The following TSEN2 variants were observed in gnomAD, a reference collection of about 807,000 sequenced individuals.
The protein encoded by TSEN2 is tRNA splicing endonuclease subunit 2, also known as tRNA-splicing endonuclease subunit Sen2.
Under a neutral mutation model 59.2 loss-of-function variants are expected in TSEN2, and 54 were observed. That is an observed-to-expected ratio of 0.91 (90% confidence interval 0.73 to 1.14). The LOEUF is 1.14. Ranked by LOEUF, TSEN2 falls within the 50% of genes most tolerant of loss-of-function variation. The pLI is 0.00. For synonymous variants in TSEN2, 195 were observed against 198.2 expected (o/e 0.98, Z 0.14); for missense variants, 636 against 576.2 (o/e 1.10, Z -1.06).
chr3:12,538,654 C>T (rs1202599689), downstream of TSEN2: 3 of 155,726 alleles, frequency 1.9e-5, no homozygotes, highest in Non-Finnish European at 4.3e-5. Context: ...AGTAGTACAT[C>T]ACATTTGGTC....
chr3:12,539,144 T>C (rs1009341194), intron 10 of TSEN2: 9 of 445,694 alleles, frequency 2.0e-5, no homozygotes, highest in South Asian at 3.2e-5. Flanking sequence ...TTTCTTTTTT[T>C]TTTTCTTGTG....
intron 3 of TSEN2, among the ~76,000 whole-genome samples, 184 bp from the exon 4 acceptor site, chr3:12,496,334 G>C (rs1310803777): frequency 6.6e-6 from 1 of 152,234 alleles, no homozygotes; most frequent in Admixed American, 6.5e-5. Flanking sequence ...GGCAGCACCT[G>C]CCAAGGGTAT....
chr3:12,515,966 G>T (rs1240843556), intron 6 of TSEN2, among the ~76,000 whole-genome samples: 1 of 151,838 alleles, frequency 6.6e-6, no homozygotes, highest in Non-Finnish European at 1.5e-5. Context: ...TATTGCTATA[G>T]CTGTTAACAT....
At chr3:12,524,172 A>G (rs981711636) in intron 8 of TSEN2, among the ~76,000 whole-genome samples, 1 of 151,942 alleles carries the variant, frequency 6.6e-6, no homozygotes, top group Non-Finnish European at 1.5e-5. Flanking sequence ...GGCTCAAGCC[A>G]TCCTACTGCC....
At chr3:12,523,450 A>G (rs755088056) in intron 8 of TSEN2, among the ~76,000 whole-genome samples, 14 of 151,050 alleles carry the variant, frequency 9.3e-5, no homozygotes, top group Non-Finnish European at 1.0e-4. Flanking sequence ...CTGTCCGTGA[A>G]TGGAGGTCAA....
chr3:12,535,921 G>C (rs538289056), downstream of TSEN2, among the ~76,000 whole-genome samples: 3 of 152,270 alleles, frequency 2.0e-5, no homozygotes, highest in African/African-American at 7.2e-5. Context: ...TGATCACTCC[G>C]AGCCTTGGTT....
chr3:12,523,526 C>CTTTTTTATTTTTTTTTTTTTTTTTTT (rs2056822754), intron 8 of TSEN2, among the ~76,000 whole-genome samples: 1 of 46,480 alleles, frequency 2.2e-5, no homozygotes, highest in African/African-American at 7.9e-5. Flanking sequence ...CTCTTTGATT[C>CTTTTTTATTTTTTTTTTTTTTTTTTT]TTTTTTTTTT....
intron 7 of TSEN2, among the ~76,000 whole-genome samples, chr3:12,517,337 G>A (rs1014635738): frequency 1.5e-4 from 16 of 103,694 alleles, no homozygotes; most frequent in African/African-American, 7.8e-4. Context: ...CAGCCTGGGC[G>A]ACAGACCGAG....
chr3:12,538,279 T>A (rs2057724725), downstream of TSEN2, among the ~76,000 whole-genome samples: 1 of 152,232 alleles, frequency 6.6e-6, no homozygotes, highest in Non-Finnish European at 1.5e-5. Flanking sequence ...CATTCGTGAA[T>A]CAAGCCGCAC....
chr3:12,531,265 C>A, intron 10 of TSEN2: 1 of 312,506 alleles, frequency 3.2e-6, no homozygotes, highest in Non-Finnish European at 6.1e-6. Context: ...CACTTAAAGT[C>A]CGTGTCCAAG....
chr3:12,501,405 A>G (rs2054272053), intron 4 of TSEN2, among the ~76,000 whole-genome samples: 1 of 152,212 alleles, frequency 6.6e-6, no homozygotes. Flanking sequence ...TAGCCTTACC[A>G]GGTGTTAATC....
In TSEN2 at chr3:12,489,975, C is replaced by T. The variant is rs1182622081; in HGVS notation, c.175C>T (p.Gln59Ter). 1 of 1,614,004 alleles carries T rather than the reference C, an allele frequency of 6.2e-7. No individual in the cohort carries two copies. Among genetic ancestry groups the T allele is most frequent in the African/African-American group, 1.3e-5 (1 of 74,924 alleles). The change falls in exon 2 of 12, where the codon CAG becomes TAG. Residue 59 changes from glutamine to a stop codon, truncating the protein, a stop_gained. Coordinates refer to ENST00000284995, the MANE Select transcript of TSEN2 (RefSeq NM_025265.4). LOFTEE classifies it high-confidence loss of function. Reference protein sequence around the residue: ...VIVRNAEDIEQLYGKGYFGKG... With the variant: ...VIVRNAEDIE Reference sequence around the variant, plus strand: ...TGTGAGGAATGCGGAGGACATTGAGCAGCTCTATGGGAAAGTAAGTGCAGG... The same window carrying T: ...TGTGAGGAATGCGGAGGACATTGAGTAGCTCTATGGGAAAGTAAGTGCAGG...
At chr3:12,502,399 G>A (rs779436592) in intron 4 of TSEN2, among the ~76,000 whole-genome samples, 5 of 152,086 alleles carry the variant, frequency 3.3e-5, no homozygotes, top group Admixed American at 1.3e-4. Context: ...AGCTGGGGGT[G>A]GTGACGCAAG....
At chr3:12,530,020 C>G in intron 10 of TSEN2, 147 bp downstream of exon 10, 1 of 1,467,682 alleles carries the variant, frequency 6.8e-7, no homozygotes, top group Non-Finnish European at 9.0e-7. Context: ...TGGGGTCATT[C>G]GTACCCTTCC....
At chr3:12,514,533 A>AT (rs1196811042) in intron 6 of TSEN2, among the ~76,000 whole-genome samples, 5 of 152,178 alleles carry the variant, frequency 3.3e-5, no homozygotes, top group Non-Finnish European at 7.3e-5. Flanking sequence ...GGGACCAAGA[A>AT]GGCAATAGGA....
At chr3:12,500,896 C>T (rs998588849) in intron 4 of TSEN2, among the ~76,000 whole-genome samples, 2 of 152,200 alleles carry the variant, frequency 1.3e-5, no homozygotes, top group Admixed American at 1.3e-4. Context: ...GTGCTCACTT[C>T]ACTCCAGATC....
Position 12,527,161 on chromosome 3 carries a change from G to T in TSEN2, c.1100-1727G>T, listed in dbSNP as rs191409978. The stretch of plus-strand genomic sequence containing the variant: ...TGTTTGGATATTTACTTACATTTGT[G>T]CCTCAGTGAATTTGAGCTGACTTGT... On this transcript the variant is annotated intron_variant, in intron 8 of 11. Transcript: ENST00000284995. Among the ~76,000 whole-genome samples the T allele has an allele frequency of 1.4e-3, 218 of 152,296 alleles. 1 individual carries two copies. Among genetic ancestry groups the T allele is most frequent in the Non-Finnish European group, 1.8e-3 (123 of 68,024 alleles).
intron 4 of TSEN2, among the ~76,000 whole-genome samples, chr3:12,499,791 T>C (rs963807702): frequency 3.3e-5 from 5 of 152,158 alleles, no homozygotes; most frequent in African/African-American, 4.8e-5. Context: ...TGGGTCCTGT[T>C]CTTATCCATC....
chr3:12,497,077 C>A (rs962265408), intron 4 of TSEN2, among the ~76,000 whole-genome samples: 2 of 152,204 alleles, frequency 1.3e-5, no homozygotes, highest in African/African-American at 4.8e-5. Context: ...CTTTCCTTAC[C>A]ACCGTCCCCT....
Sources: gnomAD v4.1 joint callset for allele counts (sites outside exome capture counted in the v4.1 genomes callset) on GRCh38, gnomAD v4.1.1 for gene constraint, MANE v1.5 for transcripts, NCBI Gene and HGNC (gene_info 2026-07-23, HGNC 2026-07-21) for gene names.